ATP6V0A1: variants seen among roughly 807,000 people sequenced by gnomAD.
ATP6V0A1 encodes V-type proton ATPase 116 kDa subunit a 1.
Under a neutral mutation model 105.4 loss-of-function variants are expected in ATP6V0A1, and 43 were observed. That is an observed-to-expected ratio of 0.41 (90% confidence interval 0.32 to 0.53). ATP6V0A1 has a LOEUF of 0.53. ATP6V0A1 is among the 20% of genes least tolerant of loss of function. The pLI, the probability that ATP6V0A1 is intolerant of heterozygous loss-of-function variation, is 0.30. For missense variants in ATP6V0A1, 676 were observed against 1,051.1 expected, an observed-to-expected ratio of 0.64 and a Z score of 4.93; for synonymous variants, 362 against 372.8, an observed-to-expected ratio of 0.97 and a Z score of 0.33.
At chr17:42,499,434 G>A (rs2091477339) in intron 15 of ATP6V0A1, among the ~76,000 whole-genome samples, 2 of 151,792 alleles carry the variant, frequency 1.3e-5, no homozygotes, top group Admixed American at 1.3e-4. Context: ...TGGCACCACT[G>A]CACTCCAGCC....
rs1219767644 is a variant in ATP6V0A1 at position 42,521,336 on chromosome 17, C to T, written c.*216C>T. On this transcript the variant is annotated 3_prime_UTR_variant, in exon 22 of 22. Coordinates refer to ENST00000343619, the MANE Select transcript of ATP6V0A1 (RefSeq NM_001130021.3). The surrounding 1 kb of genome is among the most constrained non-coding windows in gnomAD (Gnocchi z 4.8). ...ATTTTCTGGCTGTCACTCATACTCA[C>T]TGGGCACCAGCCTTGCCCTCTTAGC... 2.6e-6 allele frequency: 1 copy of T among 381,258 alleles called. No homozygotes were observed. The highest frequency in any genetic ancestry group is 6.9e-4 in the Middle Eastern group (1 of 1,454). The allele number at this position is 381,258 out of a possible 1,614,324, so 23.6% of individuals were successfully genotyped here.
intron 17 of ATP6V0A1, 86 bp from the exon 18 acceptor site, chr17:42,507,434 T>C: frequency 2.2e-6 from 2 of 909,932 alleles, no homozygotes; most frequent in Non-Finnish European, 3.5e-6. Flanking sequence ...TTCTGAGGTT[T>C]GTGTTACTAA....
At chr17:42,460,723 A>G (rs748941921) in intron 1 of ATP6V0A1, 125 bp from the exon 2 acceptor site, 37 of 557,536 alleles carry the variant, frequency 6.6e-5, no homozygotes, top group Middle Eastern at 5.0e-4. Context: ...CAGGGTGTCA[A>G]AAACAGTTGT....
chr17:42,476,467 C>T (rs1448963474), intron 5 of ATP6V0A1, among the ~76,000 whole-genome samples: 1 of 152,096 alleles, frequency 6.6e-6, no homozygotes, highest in African/African-American at 2.4e-5. Context: ...GATTTTTTGT[C>T]TTATTGTGCT....
chr17:42,499,475 AAAAT>A (rs915660073), intron 15 of ATP6V0A1, among the ~76,000 whole-genome samples: 27 of 151,930 alleles, frequency 1.8e-4, no homozygotes, highest in Non-Finnish European at 3.2e-4. Flanking sequence ...TGCCTCAAAA[AAAAT>A]AAATAAATAA....
chr17:42,492,116 C>T (rs918068736), intron 11 of ATP6V0A1, among the ~76,000 whole-genome samples: 2 of 152,170 alleles, frequency 1.3e-5, no homozygotes, highest in Admixed American at 6.5e-5. Flanking sequence ...CGCCTGTAAT[C>T]CCAGCACTTT....
At chr17:42,488,257 T>C (rs558125503) in intron 10 of ATP6V0A1, among the ~76,000 whole-genome samples, 57 of 152,308 alleles carry the variant, frequency 3.7e-4, no homozygotes, top group African/African-American at 1.3e-3. Flanking sequence ...GCAGGAAGTA[T>C]GGTTAGACCA....
At chr17:42,508,251 A>G (rs1035778427) in intron 18 of ATP6V0A1, among the ~76,000 whole-genome samples, 1 of 152,168 alleles carries the variant, frequency 6.6e-6, no homozygotes, top group Admixed American at 6.5e-5. Context: ...TCATCTACTC[A>G]TTATGTTCTT....
At chr17:42,510,428 G>A (rs930713089) in intron 19 of ATP6V0A1, 1 of 152,380 alleles carries the variant, frequency 6.6e-6, no homozygotes, top group Non-Finnish European at 1.5e-5. Flanking sequence ...ACTGGGGTGA[G>A]AGTGGAAGAG....
At chr17:42,485,280 G>A (rs1376934541) in intron 9 of ATP6V0A1, among the ~76,000 whole-genome samples, 1 of 152,184 alleles carries the variant, frequency 6.6e-6, no homozygotes, top group African/African-American at 2.4e-5. Flanking sequence ...GCTGGTGAGT[G>A]ATAGGCTATA....
intron 14 of ATP6V0A1, chr17:42,496,489 G>A (rs1344341149): frequency 6.6e-6 from 1 of 151,690 alleles, no homozygotes; most frequent in Non-Finnish European, 1.5e-5. Context: ...ATTGTGTGCT[G>A]TAAAAATGGA....
intron 10 of ATP6V0A1, among the ~76,000 whole-genome samples, chr17:42,488,346 T>TA (rs1320091380): frequency 6.6e-6 from 1 of 152,210 alleles, no homozygotes; most frequent in African/African-American, 2.4e-5. Context: ...GTTTGGAACT[T>TA]AATTGTGAAA....
At chr17:42,466,875 C>T (rs572562024) in intron 3 of ATP6V0A1, among the ~76,000 whole-genome samples, 31 of 152,244 alleles carry the variant, frequency 2.0e-4, no homozygotes, top group African/African-American at 6.5e-4. Flanking sequence ...TGGCTGGGCC[C>T]GGTGGCTCAC....
chr17:42,513,526 C>T (rs2092454580), intron 19 of ATP6V0A1: 1 of 240,028 alleles, frequency 4.2e-6, no homozygotes, highest in African/African-American at 2.2e-5. Flanking sequence ...AGCACACACT[C>T]CTCTCTTGAG....
intron 4 of ATP6V0A1, among the ~76,000 whole-genome samples, chr17:42,469,783 C>T (rs546259731): frequency 3.3e-5 from 5 of 152,192 alleles, no homozygotes; most frequent in Non-Finnish European, 5.9e-5. Flanking sequence ...GCTGGGACTA[C>T]AGTCATGCGC....
At chr17:42,489,663 G>T (rs951324725) in intron 10 of ATP6V0A1, among the ~76,000 whole-genome samples, 6 of 152,194 alleles carry the variant, frequency 3.9e-5, no homozygotes, top group African/African-American at 1.4e-4. Context: ...CTGGCCAGGA[G>T]AATTAGGGTT....
intron 2 of ATP6V0A1, among the ~76,000 whole-genome samples, chr17:42,461,685 C>T (rs1170184392): frequency 2.0e-5 from 3 of 152,138 alleles, no homozygotes; most frequent in Non-Finnish European, 4.4e-5. Flanking sequence ...GCAGGAGAAT[C>T]GCCTGAACCT....
intron 4 of ATP6V0A1, 45 bp downstream of exon 4, chr17:42,468,152 C>G (rs369065480): frequency 1.5e-6 from 2 of 1,346,630 alleles, no homozygotes; most frequent in Admixed American, 4.2e-5. Flanking sequence ...TCTACTTGAA[C>G]GCAGAAATTA....
intron 17 of ATP6V0A1, 123 bp downstream of exon 17, chr17:42,501,427 TTTTTTG>T (rs1476985396): frequency 1.2e-6 from 1 of 821,596 alleles, no homozygotes; most frequent in Non-Finnish European, 1.8e-6. Flanking sequence ...TTCTTTTTCT[TTTTTTG>T]AGACGGAGTC....
Sources: allele counts gnomAD v4.1 joint callset (sites outside exome capture counted in the v4.1 genomes callset), GRCh38; gene constraint gnomAD v4.1.1; non-coding constraint Gnocchi (gnomAD v3.1); transcripts MANE v1.5; gene names NCBI Gene and HGNC (gene_info 2026-07-23, HGNC 2026-07-21).